The following ERBB4 variants were observed in gnomAD, a reference collection of about 807,000 sequenced individuals.
ERBB4 encodes the protein erb-b2 receptor tyrosine kinase 4, also known as receptor tyrosine-protein kinase erbB-4.
A neutral mutation model predicts 158.0 loss-of-function variants in ERBB4; 42 were observed. The observed-to-expected ratio is 0.27, with a 90% CI of 0.21 to 0.34. ERBB4 has a LOEUF of 0.34. Ranked by LOEUF, ERBB4 falls within the 10% of genes least tolerant of loss-of-function variation. The pLI, the probability that ERBB4 is intolerant of heterozygous loss-of-function variation, is 1.00. For missense variants in ERBB4, 1,333 were observed against 1,624.1 expected (o/e 0.82, Z 3.08); for synonymous variants, 583 against 558.7 (o/e 1.04, Z -0.61).
chr2:211,684,446 A>C (rs1296491987), intron 12 of ERBB4, among the ~76,000 whole-genome samples: 1 of 152,218 alleles, frequency 6.6e-6, no homozygotes, highest in Admixed American at 6.5e-5. Context: ...AGTGAAACTC[A>C]ATCTCAAAAT....
chr2:212,389,010 T>A (rs1256179025), intron 1 of ERBB4, among the ~76,000 whole-genome samples: 2 of 152,120 alleles, frequency 1.3e-5, no homozygotes, highest in Admixed American at 6.6e-5. Flanking sequence ...AATAAGCAGC[T>A]TTTATGTGAT....
At chr2:211,401,235 A>G (rs1249075108) in intron 25 of ERBB4, among the ~76,000 whole-genome samples, 1 of 152,100 alleles carries the variant, frequency 6.6e-6, no homozygotes, top group Non-Finnish European at 1.5e-5. Context: ...AAATAAATGA[A>G]CTGAATGATC....
At chr2:212,311,760 AG>A (rs1455102358) in intron 1 of ERBB4, among the ~76,000 whole-genome samples, 1 of 151,040 alleles carries the variant, frequency 6.6e-6, no homozygotes, top group African/African-American at 2.4e-5. Context: ...AGAAGCAAAA[AG>A]TTTCTATCAG....
In ERBB4 at chr2:211,381,702, T is replaced by C. The variant is rs1362034724; in HGVS notation, c.*1913A>G. 5 of 231,646 alleles carry C rather than the reference T, an allele frequency of 2.2e-5. No individual in the cohort carries two copies. In the East Asian group the frequency reaches 2.5e-4, roughly 11 times the overall value. 14.3% of individuals were successfully genotyped at this position (231,646 alleles called of 1,614,324 possible). A position where few individuals can be genotyped will look rare whatever the true frequency, so the allele number is the denominator to read the frequency against. On this transcript the variant is annotated 3_prime_UTR_variant, in exon 28 of 28. Coordinates refer to ENST00000342788, the MANE Select transcript of ERBB4 (RefSeq NM_005235.3). The stretch of plus-strand genomic sequence containing the variant: ...GATGGATGGATTTACTTGTTCAGAA[T>C]AGGAAGAAACACAAATTTCTTTGGA...
chr2:212,094,988 T>TA (rs146305959), intron 2 of ERBB4, among the ~76,000 whole-genome samples: 22,692 of 152,170 alleles, frequency 0.15, 2,074 homozygotes, highest in Non-Finnish European at 0.2. Context: ...TCAGCACAAT[T>TA]ACTAAGTTTC....
chr2:211,728,516 AACAG>A (rs1175838389), intron 5 of ERBB4, among the ~76,000 whole-genome samples: 2 of 151,740 alleles, frequency 1.3e-5, no homozygotes, highest in African/African-American at 2.4e-5. Flanking sequence ...AAACACTTTT[AACAG>A]ACAGTTTTGT....
chr2:211,513,365 AAAAAAAAAAAAC>A (rs1355331033), intron 20 of ERBB4, among the ~76,000 whole-genome samples: 4,530 of 141,398 alleles, frequency 0.032, 150 homozygotes, highest in African/African-American at 0.088. Flanking sequence ...CTCAAAAAAA[AAAAAAAAAAAAC>A]AAAAAAAAAA....
intron 3 of ERBB4, among the ~76,000 whole-genome samples, chr2:211,890,607 T>A (rs1197979240): frequency 7.0e-6 from 1 of 143,552 alleles, no homozygotes; most frequent in Non-Finnish European, 1.5e-5. Context: ...AGACACAGAC[T>A]GGCAAATTGG....
intron 3 of ERBB4, among the ~76,000 whole-genome samples, chr2:211,898,499 T>A (rs1431270502): frequency 6.6e-6 from 1 of 152,182 alleles, no homozygotes; most frequent in African/African-American, 2.4e-5. Context: ...CTGACAAAAG[T>A]AATTTGTATA....
chr2:212,236,329 G>T (rs2083872706), intron 1 of ERBB4, among the ~76,000 whole-genome samples: 1 of 152,218 alleles, frequency 6.6e-6, no homozygotes, highest in African/African-American at 2.4e-5. Flanking sequence ...CTTGATTGTG[G>T]TGGATAAGCT....
chr2:211,629,789 A>C (rs2070030209), intron 17 of ERBB4, among the ~76,000 whole-genome samples: 1 of 152,110 alleles, frequency 6.6e-6, no homozygotes, highest in East Asian at 1.9e-4. Flanking sequence ...AAAAACAAGA[A>C]ATGGGGAAAG....
rs558721282 is a variant in ERBB4, at chr2:211,491,163, G to A, written c.2488-60063C>T. Among the ~76,000 whole-genome samples, 3 of 152,180 alleles carry A rather than the reference G, an allele frequency of 2.0e-5. No individual in the cohort carries two copies. In the South Asian group the frequency reaches 6.2e-4, roughly 31 times the overall value. On this transcript the variant is annotated intron_variant, in intron 20 of 27. Coordinates refer to ENST00000342788, the MANE Select transcript of ERBB4 (RefSeq NM_005235.3). Reference sequence around the variant, plus strand: ...TATCAAAGACTGATTCTGAAAAACTGATCTTAATGGTTTGGTGGAAATTTA... The same window carrying A: ...TATCAAAGACTGATTCTGAAAAACTAATCTTAATGGTTTGGTGGAAATTTA...
chr2:211,618,447 A>G (rs2069475668), intron 19 of ERBB4, among the ~76,000 whole-genome samples: 1 of 151,986 alleles, frequency 6.6e-6, no homozygotes, highest in African/African-American at 2.4e-5. Flanking sequence ...TACCAAAAAG[A>G]GCAGAGTTGA....
At chr2:211,505,955 A>G (rs1326304616) in intron 20 of ERBB4, among the ~76,000 whole-genome samples, 1 of 141,072 alleles carries the variant, frequency 7.1e-6, no homozygotes, top group Non-Finnish European at 1.5e-5. Context: ...GCGAGACTCC[A>G]TCTCAAAAAA....
At chr2:211,978,131 C>A (rs963639569) in intron 2 of ERBB4, among the ~76,000 whole-genome samples, 2 of 151,684 alleles carry the variant, frequency 1.3e-5, no homozygotes, top group Non-Finnish European at 2.9e-5. Context: ...GGTCCCTGGG[C>A]ACCAGAATAC....
chr2:211,931,968 A>T (rs914521534), intron 3 of ERBB4, among the ~76,000 whole-genome samples: 1 of 152,100 alleles, frequency 6.6e-6, no homozygotes, highest in African/African-American at 2.4e-5. Context: ...CCATTTTCAG[A>T]TGAAAACTGA....
intron 4 of ERBB4, among the ~76,000 whole-genome samples, chr2:211,775,444 T>C (rs1338325448): frequency 6.6e-6 from 1 of 152,228 alleles, no homozygotes; most frequent in East Asian, 1.9e-4. Flanking sequence ...TTCTATTGCC[T>C]ACACTTTTGT....
chr2:211,743,144 C>A (rs1035918432), intron 5 of ERBB4, among the ~76,000 whole-genome samples: 22 of 152,066 alleles, frequency 1.4e-4, no homozygotes, highest in African/African-American at 4.8e-4. Flanking sequence ...ATGTTTTTAA[C>A]CTATTGTCAA....
At chr2:212,143,691 G>GT (rs2080561376) in intron 1 of ERBB4, among the ~76,000 whole-genome samples, 1 of 152,148 alleles carries the variant, frequency 6.6e-6, no homozygotes, top group East Asian at 1.9e-4. Context: ...TCTACTACAA[G>GT]CCTCTTCCTT....
Sources: gnomAD v4.1 joint callset for allele counts (sites outside exome capture counted in the v4.1 genomes callset) on GRCh38, gnomAD v4.1.1 for gene constraint, MANE v1.5 for transcripts, NCBI Gene and HGNC (gene_info 2026-07-23, HGNC 2026-07-21) for gene names.